IL1RAPL2: variants seen among roughly 807,000 people sequenced by gnomAD.
IL1RAPL2 encodes interleukin 1 receptor accessory protein like 2.
Under a neutral mutation model 44.1 loss-of-function variants are expected in IL1RAPL2, and 3 were observed. The observed-to-expected ratio is 0.07, with a 90% CI of 0.03 to 0.18. The LOEUF (loss-of-function observed/expected upper bound fraction) is 0.18. Ranked by LOEUF, IL1RAPL2 falls within the 10% of genes least tolerant of loss-of-function variation. IL1RAPL2 has a pLI of 1.00. For synonymous variants in IL1RAPL2, 181 were observed against 178.8 expected, an observed-to-expected ratio of 1.01 and a Z score of -0.10; for missense variants, 391 against 496.4, an observed-to-expected ratio of 0.79 and a Z score of 2.02.
chrX:105,725,568 T>C (rs2038343330), intron 7 of IL1RAPL2, among the ~76,000 whole-genome samples: 1 of 111,503 alleles, frequency 9.0e-6, no homozygotes, highest in South Asian at 3.7e-4. Flanking sequence ...TGAGTCTATC[T>C]TAAAGACCAA....
chrX:105,137,521 A>G (rs906847806), intron 2 of IL1RAPL2, among the ~76,000 whole-genome samples: 2 of 112,098 alleles, frequency 1.8e-5, no homozygotes, highest in Non-Finnish European at 3.8e-5. Context: ...GTGGGAATCA[A>G]CATCACAAAC....
At chrX:104,800,229 G>A (rs1052848365) in intron 2 of IL1RAPL2, among the ~76,000 whole-genome samples, 3 of 111,577 alleles carry the variant, frequency 2.7e-5, no homozygotes, top group African/African-American at 9.8e-5. Context: ...CTAATAACTA[G>A]CTGTGTAACT....
intron 2 of IL1RAPL2, among the ~76,000 whole-genome samples, chrX:104,952,307 A>G (rs188384811): frequency 1.1e-4 from 12 of 112,191 alleles, no homozygotes; most frequent in African/African-American, 3.9e-4. Flanking sequence ...GAAAATAGGC[A>G]CAATTTTTGT....
chrX:104,739,433 C>T (rs1023655402), intron 2 of IL1RAPL2, among the ~76,000 whole-genome samples: 1 of 112,036 alleles, frequency 8.9e-6, no homozygotes, highest in Admixed American at 9.5e-5. Flanking sequence ...TGGGGCCACC[C>T]CCATTGGTTT....
chrX:105,236,369 A>G (rs2034120060), intron 4 of IL1RAPL2, among the ~76,000 whole-genome samples: 1 of 112,642 alleles, frequency 8.9e-6, no homozygotes, highest in Non-Finnish European at 1.9e-5. Flanking sequence ...TAATATTTCT[A>G]TAATATTTTA....
chrX:105,435,092 C>T (rs1394862227), intron 5 of IL1RAPL2, among the ~76,000 whole-genome samples: 1 of 111,656 alleles, frequency 9.0e-6, no homozygotes, highest in Non-Finnish European at 1.9e-5. Flanking sequence ...GGTTCCAATA[C>T]CATGCTGTTT....
chrX:105,009,447 T>C (rs1368995890), intron 2 of IL1RAPL2, among the ~76,000 whole-genome samples: 1 of 108,354 alleles, frequency 9.2e-6, no homozygotes, highest in Non-Finnish European at 1.9e-5. Context: ...ATGTCCTTTG[T>C]AGGGACATGG....
chrX:104,672,094 GCTTT>G (rs1180879818), intron 2 of IL1RAPL2, among the ~76,000 whole-genome samples: 1 of 110,878 alleles, frequency 9.0e-6, no homozygotes, highest in East Asian at 2.8e-4. Flanking sequence ...CAGGCCAATT[GCTTT>G]CTTTCTTTTT....
At chrX:105,195,865 G>C in intron 3 of IL1RAPL2, 117 bp downstream of exon 3, 1 of 687,077 alleles carries the variant, frequency 1.5e-6, no homozygotes, top group South Asian at 2.7e-5. Flanking sequence ...AAAGGTTGCA[G>C]TACATGTGGA....
intron 2 of IL1RAPL2, among the ~76,000 whole-genome samples, chrX:104,673,352 G>T (rs1268357949): frequency 9.0e-6 from 1 of 111,182 alleles, no homozygotes; most frequent in African/African-American, 3.3e-5. Flanking sequence ...TATTAAATAG[G>T]GAATCCTTTC....
chrX:105,173,819 G>A (rs1175676357), intron 2 of IL1RAPL2, among the ~76,000 whole-genome samples: 1 of 107,241 alleles, frequency 9.3e-6, no homozygotes, highest in East Asian at 3.0e-4. Flanking sequence ...TGCAACCTCC[G>A]CCGCCCAGGT....
chrX:105,674,396 G>C (rs2037850746), intron 6 of IL1RAPL2, among the ~76,000 whole-genome samples: 1 of 112,001 alleles, frequency 8.9e-6, no homozygotes, highest in Non-Finnish European at 1.9e-5. Context: ...TGGATAGCCA[G>C]TTCTCCCAGC....
At chrX:105,445,447 G>C (rs1460901746) in intron 5 of IL1RAPL2, among the ~76,000 whole-genome samples, 1 of 110,733 alleles carries the variant, frequency 9.0e-6, no homozygotes, top group Non-Finnish European at 1.9e-5. Context: ...TATTGAGTTT[G>C]GTTTGCTCTC....
intron 1 of IL1RAPL2, among the ~76,000 whole-genome samples, chrX:104,605,518 A>G (rs1212625356): frequency 1.8e-5 from 2 of 111,773 alleles, no homozygotes; most frequent in Non-Finnish European, 3.8e-5. Context: ...CAAAACATCC[A>G]TGAATCCAGG....
At chrX:105,151,162 T>C (rs2033223730) in intron 2 of IL1RAPL2, among the ~76,000 whole-genome samples, 2 of 112,237 alleles carry the variant, frequency 1.8e-5, no homozygotes, top group South Asian at 7.5e-4. Flanking sequence ...TGGTGCTTGG[T>C]GTCTCTGGAC....
chrX:105,696,634 G>T lies in IL1RAPL2; in HGVS notation c.773-20733G>T, dbSNP rs210428. On this transcript the variant is annotated intron_variant, in intron 6 of 10. Coordinates refer to ENST00000372582, the MANE Select transcript of IL1RAPL2 (RefSeq NM_017416.2). ...GACTGGAGTTCAAATCCATCCATGA[G>T]GGAATTTGTAAGAATTTTGTAAACA... Among the ~76,000 whole-genome samples the T allele has an allele frequency of 8.2e-3, 919 of 111,615 alleles. 9 individuals carry two copies. The highest frequency in any genetic ancestry group is 0.061 in the South Asian group (160 of 2,638).
intron 2 of IL1RAPL2, among the ~76,000 whole-genome samples, chrX:104,728,650 G>A (rs907064082): frequency 1.8e-5 from 2 of 111,250 alleles, no homozygotes; most frequent in African/African-American, 6.5e-5. Context: ...TTCACACATG[G>A]AGGATGTCAT....
chrX:105,156,084 C>T lies in IL1RAPL2; in HGVS notation c.83-39391C>T, dbSNP rs2147591987. ...CTTAGCATACATGATTTCTACTAAA[C>T]TAGCTTTTAATTTGAGGATGTTTTA... is the stretch of plus-strand genomic sequence containing the variant. On this transcript the variant is annotated intron_variant, in intron 2 of 10. Coordinates refer to ENST00000372582, the MANE Select transcript of IL1RAPL2 (RefSeq NM_017416.2). Among the ~76,000 whole-genome samples, 2 of 111,864 alleles carry T rather than the reference C, an allele frequency of 1.8e-5. 1 individual carries two copies. The highest frequency in any genetic ancestry group is 5.7e-4 in the East Asian group (2 of 3,536).
intron 5 of IL1RAPL2, among the ~76,000 whole-genome samples, chrX:105,271,519 G>A (rs1042194790): frequency 9.0e-6 from 1 of 111,620 alleles, no homozygotes; most frequent in Non-Finnish European, 1.9e-5. Flanking sequence ...GGTGAGAACT[G>A]TAGTACAGGT....
Sources: gnomAD v4.1 joint callset for allele counts (sites outside exome capture counted in the v4.1 genomes callset) on GRCh38, gnomAD v4.1.1 for gene constraint, MANE v1.5 for transcripts, NCBI Gene and HGNC (gene_info 2026-07-23, HGNC 2026-07-21) for gene names.